Variants in NTN4 observed in about 807,000 individuals in gnomAD.
NTN4 encodes the protein netrin-4.
A neutral mutation model predicts 73.6 loss-of-function variants in NTN4; 32 were observed. The observed-to-expected ratio is 0.44, with a 90% CI of 0.33 to 0.58. The LOEUF (loss-of-function observed/expected upper bound fraction) is 0.58, where lower values mean the gene tolerates loss of function less well. Among genes scored for constraint, NTN4 ranks in the 20% least tolerant of loss-of-function variants. The pLI is 0.04. For missense variants in NTN4, 654 were observed against 798.3 expected (o/e 0.82, Z 2.18); for synonymous variants, 258 against 287.5 (o/e 0.90, Z 1.04).
chr12:95,679,153 C>G (rs1172356512), intron 7 of NTN4, among the ~76,000 whole-genome samples: 1 of 152,034 alleles, frequency 6.6e-6, no homozygotes, highest in Non-Finnish European at 1.5e-5. Context: ...CCCAACAGAG[C>G]CTTTTGTGGG....
chr12:95,761,326 CTTTTT>C (rs397969115), intron 2 of NTN4, among the ~76,000 whole-genome samples: 1 of 133,168 alleles, frequency 7.5e-6, no homozygotes, highest in Non-Finnish European at 1.5e-5. Flanking sequence ...AAGAGATATT[CTTTTT>C]TTTTTTTTTC....
Position 95,683,602 on chromosome 12 carries a change from A to G in NTN4, c.1290T>C (p.Arg430=). The G allele has an allele frequency of 6.2e-7, 1 of 1,614,166 alleles. No individual in the cohort carries two copies. Residue 430 remains arginine, a synonymous_variant, in exon 6 of 10, where the codon CGT becomes CGC. Transcript: ENST00000343702. ...CPCKPGVAGR[R]CDRCMVGYWG... ...AGTATCCCACCATGCACCTGTCACA[A>G]CGTCGCCCTGCCACCCCAGGCTTGC...
intron 2 of NTN4, among the ~76,000 whole-genome samples, chr12:95,776,177 A>C (rs1592717618): frequency 6.6e-6 from 1 of 152,306 alleles, no homozygotes; most frequent in Admixed American, 6.5e-5. Flanking sequence ...CCATCATCAA[A>C]GACCAAAGGT....
chr12:95,698,060 G>T (rs1166070231), intron 5 of NTN4, among the ~76,000 whole-genome samples: 1 of 152,132 alleles, frequency 6.6e-6, no homozygotes, highest in Non-Finnish European at 1.5e-5. Flanking sequence ...GTATACAGGG[G>T]GGTGTGCATA....
intron 3 of NTN4, among the ~76,000 whole-genome samples, chr12:95,719,731 T>A (rs1035079134): frequency 2.0e-5 from 3 of 152,182 alleles, no homozygotes; most frequent in Non-Finnish European, 2.9e-5. Context: ...CATTAAAGGT[T>A]TGCATGTTTT....
intron 2 of NTN4, among the ~76,000 whole-genome samples, chr12:95,785,186 A>G (rs1455657903): frequency 6.6e-6 from 1 of 152,220 alleles, no homozygotes; most frequent in Non-Finnish European, 1.5e-5. Context: ...TATTTGCTAA[A>G]TGAGCATGCC....
chr12:95,771,024 C>T (rs1462989230), intron 2 of NTN4, among the ~76,000 whole-genome samples: 2 of 106,588 alleles, frequency 1.9e-5, no homozygotes, highest in Admixed American at 8.2e-5. Context: ...GAGTCTCGCT[C>T]TGTCGCCCAG....
intron 2 of NTN4, among the ~76,000 whole-genome samples, chr12:95,766,680 C>T (rs1314552227): frequency 6.6e-6 from 1 of 152,216 alleles, no homozygotes; most frequent in African/African-American, 2.4e-5. Context: ...ACCAGTTCTG[C>T]TCAGCTTTCT....
chr12:95,749,130 C>T (rs2078884502), intron 2 of NTN4, among the ~76,000 whole-genome samples: 1 of 152,154 alleles, frequency 6.6e-6, no homozygotes, highest in Non-Finnish European at 1.5e-5. Context: ...TGTAATTTTC[C>T]ATTACCTTCC....
At chr12:95,674,113 C>CATG (rs1406756673) in intron 7 of NTN4, 1 of 151,780 alleles carries the variant, frequency 6.6e-6, no homozygotes, top group African/African-American at 2.4e-5. Flanking sequence ...TGCAGTAAGC[C>CATG]ATGATGGCAC....
intron 5 of NTN4, among the ~76,000 whole-genome samples, chr12:95,688,973 T>C (rs1420377898): frequency 1.3e-5 from 2 of 152,112 alleles, no homozygotes; most frequent in African/African-American, 4.8e-5. Context: ...TTTAGATCTC[T>C]CTTTCATCTC....
At chr12:95,673,189 G>A (rs2078247441) in intron 7 of NTN4, 1 of 511,332 alleles carries the variant, frequency 2.0e-6, no homozygotes, top group Non-Finnish European at 3.5e-6. Context: ...TGTAGCTGCA[G>A]ATGAGGACCA....
At chr12:95,661,283 G>A (rs939949944) in intron 9 of NTN4, among the ~76,000 whole-genome samples, 3 of 152,148 alleles carry the variant, frequency 2.0e-5, no homozygotes, top group Non-Finnish European at 2.9e-5. Flanking sequence ...TGATAACCTA[G>A]TTGCCCAGCT....
chr12:95,779,276 C>A (rs1278545581), intron 2 of NTN4, among the ~76,000 whole-genome samples: 3 of 152,158 alleles, frequency 2.0e-5, no homozygotes, highest in Non-Finnish European at 2.9e-5. Flanking sequence ...TCTCACCACT[C>A]CTATTCAACA....
At chr12:95,663,029 A>G (rs937883438) in intron 9 of NTN4, among the ~76,000 whole-genome samples, 3 of 152,078 alleles carry the variant, frequency 2.0e-5, no homozygotes, top group Non-Finnish European at 4.4e-5. Context: ...CTGAGGCGGG[A>G]GGATTGCTTG....
intron 4 of NTN4, among the ~76,000 whole-genome samples, chr12:95,711,396 A>G (rs2078564277): frequency 6.6e-6 from 1 of 152,156 alleles, no homozygotes. Flanking sequence ...CCCATTCCTG[A>G]TACATCTCAA....
At chr12:95,779,948 A>G (rs1331095107) in intron 2 of NTN4, among the ~76,000 whole-genome samples, 1 of 152,374 alleles carries the variant, frequency 6.6e-6, no homozygotes, top group South Asian at 2.1e-4. Flanking sequence ...GTACCAAAAC[A>G]GAGATGTAGA....
At chr12:95,689,135 T>G (rs185096187) in intron 5 of NTN4, among the ~76,000 whole-genome samples, 138 of 152,294 alleles carry the variant, frequency 9.1e-4, no homozygotes, top group Admixed American at 2.2e-3. Flanking sequence ...CATGAAATGT[T>G]GCTTCTTCTG....
chr12:95,727,988 T>C (rs992314121), intron 3 of NTN4, among the ~76,000 whole-genome samples: 2 of 152,330 alleles, frequency 1.3e-5, no homozygotes, highest in African/African-American at 4.8e-5. Context: ...TAACAATGTT[T>C]CAGGGTTTTC....
Sources: allele counts gnomAD v4.1 joint callset (sites outside exome capture counted in the v4.1 genomes callset), GRCh38; gene constraint gnomAD v4.1.1; transcripts MANE v1.5; gene names NCBI Gene and HGNC (gene_info 2026-07-23, HGNC 2026-07-21).